Variants in ADAMTS12 observed in about 807,000 individuals in gnomAD.
ADAMTS12 encodes ADAM metallopeptidase with thrombospondin type 1 motif 12.
Under a neutral mutation model 167.8 loss-of-function variants are expected in ADAMTS12, and 118 were observed. The ratio of observed to expected loss-of-function variants is 0.70; its 90% confidence interval spans 0.61 to 0.82. The LOEUF (loss-of-function observed/expected upper bound fraction) is 0.82, where lower values mean the gene tolerates loss of function less well. Ranked by LOEUF, ADAMTS12 falls within the 40% of genes least tolerant of loss-of-function variation. The probability of loss-of-function intolerance (pLI) is 0.00; values close to 1 mark genes in which losing one functional copy is unlikely to be tolerated. For missense variants in ADAMTS12, 1,916 were observed against 1,998.8 expected, an observed-to-expected ratio of 0.96 and a Z score of 0.79; for synonymous variants, 704 against 716.9, an observed-to-expected ratio of 0.98 and a Z score of 0.29.
At chr5:33,868,802 C>T (rs1046284331) in intron 2 of ADAMTS12, among the ~76,000 whole-genome samples, 2 of 152,208 alleles carry the variant, frequency 1.3e-5, no homozygotes, top group East Asian at 1.9e-4. Flanking sequence ...AGCTCATCAG[C>T]TATCATTAGT....
At chr5:33,564,811 G>A (rs139069844) in intron 19 of ADAMTS12, among the ~76,000 whole-genome samples, 1 of 152,292 alleles carries the variant, frequency 6.6e-6, no homozygotes, top group African/African-American at 2.4e-5. Context: ...ACAAACAAAA[G>A]CATCCTCCTT....
chr5:33,683,917 A>T lies in ADAMTS12; in HGVS notation c.773T>A (p.Met258Lys). 1 of 1,606,632 alleles carries T rather than the reference A, an allele frequency of 6.2e-7. No homozygotes were observed. Among genetic ancestry groups the T allele is most frequent in the Non-Finnish European group, 8.5e-7 (1 of 1,176,650 alleles). The change falls in exon 4 of 24, where the codon ATG becomes AAG. Residue 258 changes from methionine to lysine, a missense_variant. Coordinates refer to ENST00000504830, the MANE Select transcript of ADAMTS12 (RefSeq NM_030955.4). ...ATTCTCACTCCCATGGTATTCAATC[A>T]TCTTTGTGTCGGCCACCACCAGTGT... The part of the protein sequence containing the change: ...VETLVVADTK[M>K]IEYHGSENVE...
rs1750877469 is a variant in ADAMTS12 at position 33,891,967 on chromosome 5, C to G, written c.-111G>C. 5 of 1,404,480 alleles carry G rather than the reference C, an allele frequency of 3.6e-6. No homozygotes were observed. The highest frequency in any genetic ancestry group is 1.4e-5 in the African/African-American group (1 of 69,014). The allele number at this position is 1,404,480 out of a possible 1,614,324, so 87.0% of individuals were successfully genotyped here. On this transcript the variant is annotated 5_prime_UTR_variant, in exon 1 of 24. Coordinates refer to ENST00000504830, the MANE Select transcript of ADAMTS12 (RefSeq NM_030955.4). ...AGATGCAGGGGTGCATGGTCAGGCGCGAGAAGGCAGCGACTGCAAAGCTGC... is the reference window on the plus strand; with the variant it reads ...AGATGCAGGGGTGCATGGTCAGGCGGGAGAAGGCAGCGACTGCAAAGCTGC...
chr5:33,810,465 C>T (rs1390675927), intron 2 of ADAMTS12, among the ~76,000 whole-genome samples: 4 of 152,150 alleles, frequency 2.6e-5, no homozygotes, highest in Non-Finnish European at 5.9e-5. Context: ...TATTACACCC[C>T]ATACCCCCAC....
chr5:33,536,600 A>G (rs1319544740), intron 22 of ADAMTS12, among the ~76,000 whole-genome samples: 1 of 149,894 alleles, frequency 6.7e-6, no homozygotes, highest in Admixed American at 6.6e-5. Context: ...ATAATAGATC[A>G]TAGAGGTTAC....
chr5:33,797,866 C>T (rs1375481514), intron 2 of ADAMTS12, among the ~76,000 whole-genome samples: 2 of 152,146 alleles, frequency 1.3e-5, no homozygotes, highest in Non-Finnish European at 2.9e-5. Context: ...ATACTAGCTA[C>T]ACAAATACTT....
chr5:33,532,558 A>C (rs1327450483), intron 23 of ADAMTS12, among the ~76,000 whole-genome samples: 2 of 151,812 alleles, frequency 1.3e-5, no homozygotes, highest in Non-Finnish European at 2.9e-5. Context: ...CAGGAATGGT[A>C]GGCTTAAGGG....
intron 17 of ADAMTS12, among the ~76,000 whole-genome samples, chr5:33,589,897 T>C (rs1291499665): frequency 1.3e-5 from 2 of 152,224 alleles, no homozygotes; most frequent in African/African-American, 4.8e-5. Context: ...AGAATTTCTT[T>C]TGATTGTGAC....
intron 2 of ADAMTS12, among the ~76,000 whole-genome samples, chr5:33,835,908 T>A (rs1748488306): frequency 3.1e-5 from 1 of 32,626 alleles, no homozygotes; most frequent in African/African-American, 1.6e-4. Flanking sequence ...ATAATATCCA[T>A]CTCTCTCTCT....
intron 2 of ADAMTS12, among the ~76,000 whole-genome samples, chr5:33,786,922 A>G (rs1746347881): frequency 6.6e-6 from 1 of 152,232 alleles, no homozygotes; most frequent in South Asian, 2.1e-4. Context: ...ATTCTGGTCC[A>G]TCAGAAGGGA....
chr5:33,788,492 G>T (rs184751017), intron 2 of ADAMTS12, among the ~76,000 whole-genome samples: 1 of 152,196 alleles, frequency 6.6e-6, no homozygotes, highest in Admixed American at 6.5e-5. Context: ...GCTAAAATAT[G>T]CCAGGTTCAG....
At chr5:33,807,896 A>G (rs969432643) in intron 2 of ADAMTS12, among the ~76,000 whole-genome samples, 4 of 151,262 alleles carry the variant, frequency 2.6e-5, no homozygotes, top group African/African-American at 9.9e-5. Flanking sequence ...GGATGCAGCT[A>G]GTAAGTGTGG....
At chr5:33,787,489 G>A (rs749193772) in intron 2 of ADAMTS12, among the ~76,000 whole-genome samples, 14 of 152,176 alleles carry the variant, frequency 9.2e-5, no homozygotes, top group East Asian at 1.9e-4. Flanking sequence ...TATTCATCAC[G>A]AGAACATGTT....
At chr5:33,727,706 T>C (rs1286564362) in intron 3 of ADAMTS12, among the ~76,000 whole-genome samples, 2 of 152,160 alleles carry the variant, frequency 1.3e-5, no homozygotes, top group Non-Finnish European at 2.9e-5. Flanking sequence ...ACACACTCTT[T>C]CTTAGATTTT....
chr5:33,707,590 G>T (rs1743247736), intron 3 of ADAMTS12, among the ~76,000 whole-genome samples: 1 of 152,136 alleles, frequency 6.6e-6, no homozygotes, highest in Non-Finnish European at 1.5e-5. Context: ...GCATGGCACT[G>T]GTACCAAAAC....
intron 2 of ADAMTS12, among the ~76,000 whole-genome samples, chr5:33,809,360 C>G (rs1320016813): frequency 6.6e-6 from 1 of 152,176 alleles, no homozygotes; most frequent in African/African-American, 2.4e-5. Flanking sequence ...CATCCCGCCC[C>G]CAAATGCTTT....
At chr5:33,780,495 A>C (rs557256924) in intron 2 of ADAMTS12, among the ~76,000 whole-genome samples, 1 of 152,288 alleles carries the variant, frequency 6.6e-6, no homozygotes, top group South Asian at 2.1e-4. Context: ...AATAAAAACC[A>C]GTGGTGCCTC....
intron 3 of ADAMTS12, among the ~76,000 whole-genome samples, chr5:33,704,805 G>C (rs1743129459): frequency 6.6e-6 from 1 of 152,042 alleles, no homozygotes; most frequent in Non-Finnish European, 1.5e-5. Context: ...TTTGTTAATT[G>C]TGTCTTTTGC....
At chr5:33,678,725 G>A (rs535605675) in intron 5 of ADAMTS12, among the ~76,000 whole-genome samples, 15 of 152,270 alleles carry the variant, frequency 9.9e-5, no homozygotes, top group African/African-American at 3.6e-4. Flanking sequence ...TGGACTAAAC[G>A]AAGCCAGGTG....
Sources: gnomAD v4.1 joint callset for allele counts (sites outside exome capture counted in the v4.1 genomes callset) on GRCh38, gnomAD v4.1.1 for gene constraint, MANE v1.5 for transcripts, NCBI Gene and HGNC (gene_info 2026-07-23, HGNC 2026-07-21) for gene names.